NOM1: variants seen among roughly 807,000 people sequenced by gnomAD.
The protein encoded by NOM1 is nucleolar protein with MIF4G domain 1.
Under a neutral mutation model 73.3 loss-of-function variants are expected in NOM1, and 58 were observed. The observed-to-expected ratio is 0.79, with a 90% CI of 0.64 to 0.99. The LOEUF is 0.99. Among genes scored for constraint, NOM1 ranks in the 50% least tolerant of loss-of-function variants. The probability of loss-of-function intolerance (pLI) is 0.00; values close to 1 mark genes in which losing one functional copy is unlikely to be tolerated. For missense variants in NOM1, 1,226 were observed against 1,131.9 expected (o/e 1.08, Z -1.19); for synonymous variants, 487 against 446.8 (o/e 1.09, Z -1.14).
Position 156,968,223 on chromosome 7 carries a change from C to T in NOM1, c.2299-864C>T, listed in dbSNP as rs114496280. Among the ~76,000 whole-genome samples the T allele has an allele frequency of 6.8e-3, 1,029 of 152,290 alleles. 14 individuals are homozygous for T. Among genetic ancestry groups the T allele is most frequent in the African/African-American group, 0.023 (953 of 41,554 alleles). The stretch of plus-strand genomic sequence containing the variant: ...CCGCTCCCCTGCCTTGCCTTTCGCT[C>T]GCCCAGGCATTGCGCTCATCCTGGA... On this transcript the variant is annotated intron_variant, in intron 9 of 10. Transcript: ENST00000275820.
Position 156,950,366 on chromosome 7 carries a change from G to A in NOM1, c.629G>A (p.Ser210Asn), listed in dbSNP as rs987775072. The A allele has an allele frequency of 1.2e-6, 2 of 1,614,130 alleles. No homozygotes were observed. The highest frequency in any genetic ancestry group is 1.3e-5 in the African/African-American group (1 of 74,954). Residue 210 changes from serine (S) to asparagine (N), a missense_variant, in exon 1 of 11, where the codon AGC becomes AAC. Transcript: ENST00000275820. The stretch of plus-strand genomic sequence containing the variant: ...GACGGCAGCAGCTCCGTGCCGCTGA[G>A]CTTTGCACGCGACGGTCTTGACTAT... ...KKDGSSSVPL[S>N]FARDGLDYIL...
chr7:156,963,808 A>T, intron 6 of NOM1, 97 bp from the exon 7 acceptor site: 1 of 1,423,078 alleles, frequency 7.0e-7, no homozygotes. Context: ...TAGACCTCAC[A>T]GTTCTATTCA....
At position 156,950,137 on chromosome 7, in the gene NOM1, C is replaced by G; in HGVS notation, c.400C>G (p.Pro134Ala). 1 of 1,573,206 alleles carries G rather than the reference C, an allele frequency of 6.4e-7. No individual in the cohort carries two copies. The highest frequency in any genetic ancestry group is 8.6e-7 in the Non-Finnish European group (1 of 1,163,130). Residue 134 changes from proline to alanine, a missense_variant, in exon 1 of 11, where the codon CCT becomes GCT. Transcript: ENST00000275820. ...QDTEERARPAPSRDPSPPRKP... is the reference protein window; with the variant it reads ...QDTEERARPAASRDPSPPRKP... ...CACGGAGGAGCGCGCCCGCCCAGCC[C>G]CTAGTCGGGACCCCTCGCCTCCCAG...
Position 156,949,995 on chromosome 7 carries a change from G to A in NOM1, c.258G>A (p.Arg86=), listed in dbSNP as rs375339990. Residue 86 remains arginine (R), a synonymous_variant, in exon 1 of 11, where the codon AGG becomes AGA. Transcript: ENST00000275820. Reference sequence around the variant, plus strand: ...GGAGAAAAAGCCGTAAGGAACTGAGGAAGGAGAAGCGGCACCTGCGGAAAG... The same window carrying A: ...GGAGAAAAAGCCGTAAGGAACTGAGAAAGGAGAAGCGGCACCTGCGGAAAG... ...PGGRKSRKEL[R]KEKRHLRKAR... is the part of the protein sequence containing the mutation. The A allele has an allele frequency of 9.8e-5, 151 of 1,540,646 alleles. No homozygotes were observed. In the African/African-American group the frequency reaches 1.4e-3, roughly 14 times the overall value.
chr7:156,968,004 G>T (rs1253500247), intron 9 of NOM1, among the ~76,000 whole-genome samples: 1 of 152,174 alleles, frequency 6.6e-6, no homozygotes, highest in African/African-American at 2.4e-5. Context: ...CCACAAGACA[G>T]CCGCAGCCAC....
At chr7:156,959,736 G>A in intron 3 of NOM1, 115 bp from the exon 4 acceptor site, 1 of 1,051,844 alleles carries the variant, frequency 9.5e-7, no homozygotes. Flanking sequence ...ATGCCTTGTT[G>A]GAATGCCCTG....
At position 156,967,219 on chromosome 7, in the gene NOM1, C is replaced by T. The variant is rs1047048432; in HGVS notation, c.2298+127C>T. ...TTCTGATTCATCTGAAAAGTGCTTG[C>T]ATTATCCTAGCCAGGACAGAAAACG... On this transcript the variant is annotated intron_variant, in intron 9 of 10. Transcript: ENST00000275820. 23 of 1,132,634 alleles carry T rather than the reference C, an allele frequency of 2.0e-5. No homozygotes were observed. In the East Asian group the frequency reaches 4.2e-4, roughly 21 times the overall value. 70.2% of individuals were successfully genotyped at this position (1,132,634 alleles called of 1,614,324 possible). A position where few individuals can be genotyped will look rare whatever the true frequency, so the allele number is the denominator to read the frequency against.
intron 9 of NOM1, 43 bp downstream of exon 9, chr7:156,967,135 A>G: frequency 1.3e-6 from 2 of 1,598,226 alleles, no homozygotes; most frequent in Non-Finnish European, 1.7e-6. Context: ...TGGAAATGGG[A>G]GTGTAATTGT....
rs1804552438 is a variant in NOM1, at chr7:156,950,288, G to A, written c.551G>A (p.Arg184Gln). The change falls in exon 1 of 11, where the codon CGA becomes CAA. Residue 184 changes from arginine to glutamine, a missense_variant. Coordinates refer to ENST00000275820, the MANE Select transcript of NOM1 (RefSeq NM_138400.2). ...TTAGCGGCGAACGAGGAGGAGGACCGAGAGATCCGAAAGCTGGAGCGTTGC... is the reference window on the plus strand; with the variant it reads ...TTAGCGGCGAACGAGGAGGAGGACCAAGAGATCCGAAAGCTGGAGCGTTGC... ...ALLAANEEEDREIRKLERCLG... is the reference protein window; with the variant it reads ...ALLAANEEEDQEIRKLERCLG... 1.9e-6 allele frequency: 3 copies of A among 1,614,124 alleles called. No individual in the cohort carries two copies. The highest frequency in any genetic ancestry group is 2.5e-6 in the Non-Finnish European group (3 of 1,179,936).
In NOM1 at chr7:156,950,473, C is replaced by A; in HGVS notation, c.736C>A (p.Leu246Ile). The change falls in exon 1 of 11, where the codon CTC becomes ATC. Residue 246 changes from leucine (L) to isoleucine (I), a missense_variant. Coordinates refer to ENST00000275820, the MANE Select transcript of NOM1 (RefSeq NM_138400.2). ...GEEEEDAGQT[L>I]PESDLESDSQ... ...GGAGGAGGAAGATGCCGGACAGACA[C>A]TCCCCGAAAGTGACTTAGAGAGTGA... The A allele has an allele frequency of 1.2e-6, 2 of 1,613,922 alleles. No homozygotes were observed. The highest frequency in any genetic ancestry group is 1.7e-6 in the Non-Finnish European group (2 of 1,179,882).
At chr7:156,962,118 G>T (rs769537900) in intron 4 of NOM1, 33 bp from the exon 5 acceptor site, 3 of 1,576,634 alleles carry the variant, frequency 1.9e-6, no homozygotes, top group South Asian at 1.1e-5. Flanking sequence ...TGTTTGAAAT[G>T]ATGGACTTTC....
rs754821782 is a variant in NOM1 at position 156,950,151 on chromosome 7, C to T, written c.414C>T (p.Pro138=). ...ERARPAPSRD[P]SPPRKPRPSR... Reference sequence around the variant, plus strand: ...CCCGCCCAGCCCCTAGTCGGGACCCCTCGCCTCCCAGGAAGCCGCGGCCGT... The same window carrying T: ...CCCGCCCAGCCCCTAGTCGGGACCCTTCGCCTCCCAGGAAGCCGCGGCCGT... The change falls in exon 1 of 11, where the codon CCC becomes CCT. Residue 138 remains proline (P), a synonymous_variant. Transcript: ENST00000275820. 8.8e-6 allele frequency: 14 copies of T among 1,585,934 alleles called. No individual in the cohort carries two copies. Among genetic ancestry groups the T allele is most frequent in the Non-Finnish European group, 1.1e-5 (13 of 1,169,654 alleles).
chr7:156,950,847 G>A, intron 1 of NOM1, 123 bp downstream of exon 1: 1 of 800,292 alleles, frequency 1.2e-6, no homozygotes, highest in Non-Finnish European at 2.0e-6. Flanking sequence ...CTGAATGTGA[G>A]TAAATCGAGT....
chr7:156,962,852 A>G (rs1256824400), intron 5 of NOM1, among the ~76,000 whole-genome samples, 156 bp from the exon 6 acceptor site: 1 of 152,136 alleles, frequency 6.6e-6, no homozygotes, highest in South Asian at 2.1e-4. Context: ...TAGTTTTGGC[A>G]TTTTTCCAAA....
At chr7:156,967,617 G>A (rs1182567902) in intron 9 of NOM1, among the ~76,000 whole-genome samples, 2 of 152,086 alleles carry the variant, frequency 1.3e-5, no homozygotes, top group Non-Finnish European at 2.9e-5. Context: ...CTCTGCCTCC[G>A]GGATTCAAGC....
At chr7:156,960,398 TA>T (rs140236978) in intron 4 of NOM1, 1 of 525,370 alleles carries the variant, frequency 1.9e-6, no homozygotes, top group Non-Finnish European at 3.3e-6. Flanking sequence ...ATTCATCCGT[TA>T]AAAAATGCTT....
chr7:156,964,009 T>C lies in NOM1; in HGVS notation c.2016T>C (p.Ala672=), dbSNP rs1431551343. Residue 672 remains alanine, a synonymous_variant, in exon 7 of 11, where the codon GCT becomes GCC. Coordinates refer to ENST00000275820, the MANE Select transcript of NOM1 (RefSeq NM_138400.2). ...TGACAAGTGAAGATTTTTTGGATGCTTTTGAAAAGCTTCTGAAGTAAGCAT... is the reference window on the plus strand; with the variant it reads ...TGACAAGTGAAGATTTTTTGGATGCCTTTGAAAAGCTTCTGAAGTAAGCAT... ...TIMTSEDFLD[A]FEKLLKLGLK... 6.2e-7 allele frequency: 1 copy of C among 1,613,770 alleles called. No homozygotes were observed. The highest frequency in any genetic ancestry group is 8.5e-7 in the Non-Finnish European group (1 of 1,179,788).
intron 3 of NOM1, among the ~76,000 whole-genome samples, chr7:156,957,372 C>T (rs937200264): frequency 2.0e-5 from 3 of 152,112 alleles, no homozygotes; most frequent in Admixed American, 6.5e-5. Context: ...ACTTTACCAA[C>T]GTGAATTTTA....
rs1264471855 is a variant in NOM1 at position 156,963,897 on chromosome 7, G to A, written c.1912-8G>A. On this transcript the variant is annotated splice_polypyrimidine_tract_variant and splice_region_variant and intron_variant, in intron 6 of 10. Transcript: ENST00000275820. ...TGCGTATGACTTGTCCATTCATCGT[G>A]CTTCCAGGTCAGTTCAAAGATCCTA... is the stretch of plus-strand genomic sequence containing the variant. The A allele has an allele frequency of 1.9e-6, 3 of 1,610,320 alleles. No individual in the cohort carries two copies. The highest frequency in any genetic ancestry group is 2.5e-6 in the Non-Finnish European group (3 of 1,178,280).
Sources: allele counts gnomAD v4.1 joint callset (sites outside exome capture counted in the v4.1 genomes callset), GRCh38; gene constraint gnomAD v4.1.1; transcripts MANE v1.5; gene names NCBI Gene and HGNC (gene_info 2026-07-23, HGNC 2026-07-21).